Variants in DLG2 observed in about 807,000 individuals in gnomAD.
DLG2 encodes discs large MAGUK scaffold protein 2.
In DLG2, 45 loss-of-function variants were observed where a neutral mutation model predicts 132.5. The observed-to-expected ratio is 0.34, with a 90% CI of 0.27 to 0.44. The LOEUF (loss-of-function observed/expected upper bound fraction) is 0.44. Ranked by LOEUF, DLG2 falls within the 20% of genes least tolerant of loss-of-function variation. The probability of loss-of-function intolerance (pLI) is 1.00; values close to 1 mark genes in which losing one functional copy is unlikely to be tolerated. For missense variants in DLG2, 1,045 were observed against 1,196.9 expected (o/e 0.87, Z 1.87); for synonymous variants, 424 against 419.6 (o/e 1.01, Z -0.13).
At chr11:85,421,041 C>T (rs1467477343) in intron 3 of DLG2, among the ~76,000 whole-genome samples, 2 of 152,184 alleles carry the variant, frequency 1.3e-5, no homozygotes, top group African/African-American at 4.8e-5. Context: ...GCCACTAGCT[C>T]AGTGTCCAAA....
At chr11:83,728,594 AG>A (rs1345287383) in intron 18 of DLG2, among the ~76,000 whole-genome samples, 1 of 152,190 alleles carries the variant, frequency 6.6e-6, no homozygotes, top group Admixed American at 6.5e-5. Flanking sequence ...GCTTGGCTGA[AG>A]GTTCCACTGG....
intron 6 of DLG2, among the ~76,000 whole-genome samples, chr11:85,106,914 C>T (rs556088627): frequency 9.6e-4 from 146 of 152,066 alleles, no homozygotes; most frequent in Middle Eastern, 6.8e-3. Context: ...ATGTATAGTG[C>T]TTTCTATAGA....
chr11:85,414,727 C>T (rs2089663486), intron 3 of DLG2, among the ~76,000 whole-genome samples: 1 of 151,956 alleles, frequency 6.6e-6, no homozygotes, highest in Non-Finnish European at 1.5e-5. Context: ...GTGCTGATGT[C>T]TGTCTCATTT....
intron 16 of DLG2, among the ~76,000 whole-genome samples, chr11:83,851,281 A>C (rs928891891): frequency 2.6e-5 from 4 of 152,132 alleles, no homozygotes; most frequent in African/African-American, 7.2e-5. Context: ...AGAAGAGGTC[A>C]CAGTGGAGTA....
intron 6 of DLG2, among the ~76,000 whole-genome samples, chr11:84,976,923 T>C (rs1204697029): frequency 6.6e-6 from 1 of 152,198 alleles, no homozygotes; most frequent in East Asian, 1.9e-4. Flanking sequence ...TTACATTCAT[T>C]AGTATTTGGG....
intron 6 of DLG2, among the ~76,000 whole-genome samples, chr11:85,102,145 T>A (rs1009560779): frequency 6.6e-6 from 1 of 152,022 alleles, no homozygotes; most frequent in Non-Finnish European, 1.5e-5. Context: ...TACAGCTAAC[T>A]CAGGAGCATC....
intron 6 of DLG2, among the ~76,000 whole-genome samples, chr11:84,566,544 G>A (rs2099456660): frequency 6.6e-6 from 1 of 152,120 alleles, no homozygotes; most frequent in Admixed American, 6.6e-5. Flanking sequence ...GGACCTATAG[G>A]TAAAAAGTTG....
At chr11:83,546,955 A>C (rs1160948243) in intron 19 of DLG2, among the ~76,000 whole-genome samples, 5 of 152,148 alleles carry the variant, frequency 3.3e-5, no homozygotes, top group African/African-American at 1.2e-4. Flanking sequence ...GTGATGGGGC[A>C]GGACTCAAAG....
At chr11:83,882,537 CA>C (rs2066575051) in intron 15 of DLG2, among the ~76,000 whole-genome samples, 1 of 152,198 alleles carries the variant, frequency 6.6e-6, no homozygotes, top group African/African-American at 2.4e-5. Context: ...CTTCACTCAA[CA>C]GTCAGCAATG....
At chr11:84,967,210 G>A (rs866409907) in intron 6 of DLG2, among the ~76,000 whole-genome samples, 92 of 152,028 alleles carry the variant, frequency 6.1e-4, no homozygotes, top group African/African-American at 2.2e-3. Context: ...GCCATACTTG[G>A]TTTTTTGAAG....
intron 7 of DLG2, among the ~76,000 whole-genome samples, chr11:84,289,640 C>A (rs1437205535): frequency 1.3e-5 from 2 of 152,116 alleles, no homozygotes; most frequent in Non-Finnish European, 2.9e-5. Context: ...AAGCTACAGT[C>A]TAACCTCCTG....
intron 15 of DLG2, among the ~76,000 whole-genome samples, chr11:83,913,642 C>T (rs557055290): frequency 6.6e-6 from 1 of 152,222 alleles, no homozygotes; most frequent in African/African-American, 2.4e-5. Context: ...GGCTTATTAA[C>T]AGTTACTCAT....
intron 19 of DLG2, among the ~76,000 whole-genome samples, chr11:83,568,924 G>A (rs912561042): frequency 1.3e-5 from 2 of 152,158 alleles, no homozygotes; most frequent in African/African-American, 2.4e-5. Context: ...TGTTTAAGCC[G>A]AAGCCCTACT....
intron 3 of DLG2, among the ~76,000 whole-genome samples, chr11:85,462,936 G>T (rs149848192): frequency 2.3e-4 from 35 of 152,244 alleles, no homozygotes; most frequent in South Asian, 1.2e-3. Flanking sequence ...TTATAAGAAG[G>T]TTCACAAGCA....
intron 3 of DLG2, among the ~76,000 whole-genome samples, chr11:85,500,195 C>G (rs1422143865): frequency 6.6e-6 from 1 of 152,040 alleles, no homozygotes; most frequent in African/African-American, 2.4e-5. Flanking sequence ...ATCTAGAAAA[C>G]CCCATCGTCT....
At position 84,168,466 on chromosome 11, in the gene DLG2, C is replaced by A. The variant is rs150211422; in HGVS notation, c.574-4955G>T. On this transcript the variant is annotated intron_variant, in intron 8 of 27. Coordinates refer to ENST00000376104, the MANE Select transcript of DLG2 (RefSeq NM_001142699.3). ...TGGACTTTGGGAGGAATGTGATCATCATGCAAATTGGGACCTCCAGTTCTT... is the reference window on the plus strand; with the variant it reads ...TGGACTTTGGGAGGAATGTGATCATAATGCAAATTGGGACCTCCAGTTCTT... Among the ~76,000 whole-genome samples the A allele has an allele frequency of 9.4e-3, 1,437 of 152,310 alleles. 11 individuals carry two copies. Among genetic ancestry groups the A allele is most frequent in the Non-Finnish European group, 0.015 (1,008 of 68,024 alleles).
At chr11:84,134,710 G>GTGTC (rs1015766072) in intron 9 of DLG2, among the ~76,000 whole-genome samples, 8 of 151,830 alleles carry the variant, frequency 5.3e-5, no homozygotes, top group Non-Finnish European at 1.2e-4. Flanking sequence ...GTGTGTGTGT[G>GTGTC]TGTGTGTCTG....
intron 18 of DLG2, among the ~76,000 whole-genome samples, chr11:83,657,395 CA>C (rs2072830477): frequency 6.6e-6 from 1 of 152,146 alleles, no homozygotes; most frequent in Admixed American, 6.5e-5. Flanking sequence ...CCACTTCTGG[CA>C]CTAACATTTT....
intron 17 of DLG2, among the ~76,000 whole-genome samples, chr11:83,824,619 T>TA (rs1431169444): frequency 2.6e-5 from 4 of 152,216 alleles, no homozygotes; most frequent in Admixed American, 6.5e-5. Flanking sequence ...TAAATAATGT[T>TA]AAAAAACACT....
Sources: gnomAD v4.1 joint callset for allele counts (sites outside exome capture counted in the v4.1 genomes callset) on GRCh38, gnomAD v4.1.1 for gene constraint, MANE v1.5 for transcripts, NCBI Gene and HGNC (gene_info 2026-07-23, HGNC 2026-07-21) for gene names.